Variants in COL18A1 observed in about 807,000 individuals in gnomAD.
COL18A1 encodes collagen alpha-1(XVIII) chain.
A neutral mutation model predicts 168.0 loss-of-function variants in COL18A1; 133 were observed. The observed-to-expected ratio is 0.79, with a 90% CI of 0.69 to 0.91. The LOEUF (loss-of-function observed/expected upper bound fraction) is 0.91. COL18A1 is among the 40% of genes least tolerant of loss of function. COL18A1 has a pLI of 0.00. For missense variants in COL18A1, 2,126 were observed against 1,925.4 expected (o/e 1.10, Z -1.95); for synonymous variants, 949 against 809.0 (o/e 1.17, Z -2.94).
chr21:45,472,336 G>A (rs1453917682), intron 3 of COL18A1, among the ~76,000 whole-genome samples: 2 of 151,708 alleles, frequency 1.3e-5, no homozygotes, highest in Non-Finnish European at 1.5e-5. Context: ...CCATTCTCCT[G>A]CCTCAGCCTC....
At chr21:45,475,358 C>T (rs1306350074) in intron 4 of COL18A1, 118 bp from the exon 5 acceptor site, 32 of 922,126 alleles carry the variant, frequency 3.5e-5, no homozygotes, top group South Asian at 1.1e-4. Context: ...GAGGGCTGGA[C>T]GAGGCGAGAG....
intron 18 of COL18A1, among the ~76,000 whole-genome samples, chr21:45,489,211 C>G: frequency 6.6e-6 from 1 of 152,196 alleles, no homozygotes; most frequent in African/African-American, 2.4e-5. Flanking sequence ...TTGAATGAGG[C>G]CGTCTCAGCG....
chr21:45,494,527 T>G lies in COL18A1; in HGVS notation c.2353-18T>G, dbSNP rs753040166. The G allele has an allele frequency of 1.2e-6, 2 of 1,613,300 alleles. No individual in the cohort carries two copies. The highest frequency in any genetic ancestry group is 2.2e-5 in the South Asian group (2 of 91,090). ...CACAAGCTGCCACCTAACCCTGTCT[T>G]CTTGTTTTTTTGCTCAGGGAGAGCC... On this transcript the variant is annotated intron_variant, in intron 26 of 41. Transcript: ENST00000651438.
At chr21:45,468,054 A>G (rs764903520) in intron 2 of COL18A1, among the ~76,000 whole-genome samples, 188 bp from the exon 3 acceptor site, 6 of 152,182 alleles carry the variant, frequency 3.9e-5, no homozygotes, top group Non-Finnish European at 7.4e-5. Flanking sequence ...TCGTTTGGGA[A>G]TGAGTGAACC....
At chr21:45,426,641 C>T (rs1020932480) in intron 2 of COL18A1, among the ~76,000 whole-genome samples, 4 of 152,208 alleles carry the variant, frequency 2.6e-5, no homozygotes, top group Admixed American at 6.5e-5. Context: ...CAGGCCTGGC[C>T]GGGACAGCAG....
At chr21:45,441,345 C>T (rs1010724634) in intron 2 of COL18A1, among the ~76,000 whole-genome samples, 5 of 152,200 alleles carry the variant, frequency 3.3e-5, no homozygotes, top group Non-Finnish European at 5.9e-5. Flanking sequence ...AGACGCTGCC[C>T]CTACTGTCCC....
intron 37 of COL18A1, chr21:45,506,436 C>A (rs2037208885): frequency 3.5e-6 from 1 of 285,806 alleles, no homozygotes. Context: ...TTAGCACGGG[C>A]CTTGCTCACC....
intron 38 of COL18A1, 65 bp downstream of exon 38, chr21:45,507,658 C>T (rs2037302383): frequency 6.1e-6 from 9 of 1,480,108 alleles, no homozygotes; most frequent in Admixed American, 3.5e-5. Context: ...TGTGCTGTCC[C>T]CTGTTTGAGG....
At chr21:45,418,324 C>T (rs1046884458) in intron 2 of COL18A1, among the ~76,000 whole-genome samples, 2 of 152,142 alleles carry the variant, frequency 1.3e-5, no homozygotes, top group African/African-American at 2.4e-5. Context: ...CCGCCAGCAT[C>T]GCTGAGGGTC....
chr21:45,511,498 C>T lies in COL18A1; in HGVS notation c.3809+272C>T, dbSNP rs143223035. The stretch of plus-strand genomic sequence containing the variant: ...CATGGCGGATAGACTCCATGTCTCC[C>T]GGATGTCACCAAGCCTGTGGTCAGC... On this transcript the variant is annotated intron_variant, in intron 41 of 41. Transcript: ENST00000651438. 4.9e-3 allele frequency among the ~76,000 whole-genome samples: 747 copies of T among 152,252 alleles called. 9 individuals carry two copies. The highest frequency in any genetic ancestry group is 0.017 in the African/African-American group (709 of 41,548).
intron 2 of COL18A1, among the ~76,000 whole-genome samples, chr21:45,414,828 T>C (rs1212478434): frequency 6.6e-6 from 1 of 152,052 alleles, no homozygotes; most frequent in Non-Finnish European, 1.5e-5. Context: ...GTGGGACCCG[T>C]GAGTATGGCC....
At chr21:45,489,913 C>T (rs1367918739) in intron 19 of COL18A1, among the ~76,000 whole-genome samples, 11 of 90,464 alleles carry the variant, frequency 1.2e-4, no homozygotes, top group African/African-American at 4.0e-4. Flanking sequence ...CTTCCACCTG[C>T]CCCACACCTC....
chr21:45,438,344 A>ACACC (rs2034271449), intron 2 of COL18A1, among the ~76,000 whole-genome samples: 1 of 90,420 alleles, frequency 1.1e-5, no homozygotes, highest in Non-Finnish European at 2.2e-5. Flanking sequence ...ACACACTCAC[A>ACACC]CACTCAGACA....
Position 45,476,472 on chromosome 21 carries a change from C to T in COL18A1, c.920C>T (p.Ser307Leu), listed in dbSNP as rs200882031. Residue 307 changes from serine (S) to leucine (L), a missense_variant, in exon 6 of 42, where the codon TCG becomes TTG. Ser to Leu is a moderately radical substitution (Grantham distance 145, BLOSUM62 -2). Transcript: ENST00000651438. ...EEVEEQTTVA[S>L]LGAQTLPGSD... is the part of the protein sequence containing the mutation. ...GTCGAGGAGCAGACCACGGTGGCTTCGTTAGGAGGTAAGCTCTTTTCTGGA... is the reference window on the plus strand; with the variant it reads ...GTCGAGGAGCAGACCACGGTGGCTTTGTTAGGAGGTAAGCTCTTTTCTGGA... The T allele has an allele frequency of 1.8e-4, 284 of 1,607,268 alleles. 1 individual carries two copies. In the African/African-American group the frequency reaches 2.8e-3, roughly 16 times the overall value.
At position 45,512,335 on chromosome 21, in the gene COL18A1, G is replaced by A. The variant is rs759754517; in HGVS notation, c.3957G>A (p.Ala1319=). The change falls in exon 42 of 42, where the codon GCG becomes GCA. Residue 1319 remains alanine (A), a synonymous_variant. Coordinates refer to ENST00000651438, the MANE Select transcript of COL18A1 (RefSeq NM_001379500.1). The part of the protein sequence containing the change: ...LGGRLLGQSA[A]SCHHAYIVLC... ...GCAGGCTCCTGGGGCAGAGTGCCGCGAGCTGCCATCACGCCTACATCGTGC... is the reference window on the plus strand; with the variant it reads ...GCAGGCTCCTGGGGCAGAGTGCCGCAAGCTGCCATCACGCCTACATCGTGC... The A allele has an allele frequency of 1.5e-5, 24 of 1,612,524 alleles. No homozygotes were observed. Among genetic ancestry groups the A allele is most frequent in the African/African-American group, 6.7e-5 (5 of 74,914 alleles).
rs374980607 is a variant in COL18A1 at position 45,468,735 on chromosome 21, C to T, written c.600C>T (p.Gly200=). 1.2e-5 allele frequency: 19 copies of T among 1,610,642 alleles called. No homozygotes were observed. The highest frequency in any genetic ancestry group is 1.7e-5 in the Admixed American group (1 of 59,954). ...RSSRGLELEP[G]AGLFVAQAGG... is the part of the protein sequence containing the mutation. Reference sequence around the variant, plus strand: ...CACGGGGCCTGGAGCTGGAGCCTGGCGCCGGGCTCTTCGTGGCTCAGGCGG... The same window carrying T: ...CACGGGGCCTGGAGCTGGAGCCTGGTGCCGGGCTCTTCGTGGCTCAGGCGG... Residue 200 remains glycine, a synonymous_variant, in exon 3 of 42, where the codon GGC becomes GGT. Coordinates refer to ENST00000651438, the MANE Select transcript of COL18A1 (RefSeq NM_001379500.1).
intron 13 of COL18A1, 143 bp from the exon 14 acceptor site, chr21:45,481,820 C>G (rs2035906639): frequency 1.4e-6 from 1 of 717,430 alleles, no homozygotes; most frequent in African/African-American, 1.7e-5. Context: ...CTCCCGTGAG[C>G]CCTGGGACTC....
At chr21:45,511,498 C>G (rs143223035) in intron 41 of COL18A1, among the ~76,000 whole-genome samples, 2 of 152,134 alleles carry the variant, frequency 1.3e-5, no homozygotes, top group African/African-American at 2.4e-5. Flanking sequence ...CCATGTCTCC[C>G]GGATGTCACC....
intron 2 of COL18A1, among the ~76,000 whole-genome samples, chr21:45,461,947 C>T (rs76462607): frequency 0.028 from 4,283 of 152,258 alleles, 207 homozygotes; most frequent in African/African-American, 0.097. Flanking sequence ...TTCTGCAGGG[C>T]AGGTCTAGTG....
Sources: allele counts gnomAD v4.1 joint callset (sites outside exome capture counted in the v4.1 genomes callset), GRCh38; gene constraint gnomAD v4.1.1; transcripts MANE v1.5; gene names NCBI Gene and HGNC (gene_info 2026-07-23, HGNC 2026-07-21).